Variants in RBMS3 observed in about 807,000 individuals in gnomAD.
RBMS3 encodes RNA-binding motif, single-stranded-interacting protein 3.
Under a neutral mutation model 66.8 loss-of-function variants are expected in RBMS3, and 27 were observed. The ratio of observed to expected loss-of-function variants is 0.40; its 90% CI spans 0.30 to 0.56. The LOEUF is 0.56. RBMS3 is among the 20% of genes least tolerant of loss of function. The probability of loss-of-function intolerance (pLI) is 0.40; values close to 1 mark genes in which losing one functional copy is unlikely to be tolerated. For missense variants in RBMS3, 513 were observed against 549.5 expected, an observed-to-expected ratio of 0.93 and a Z score of 0.66; for synonymous variants, 188 against 183.0, an observed-to-expected ratio of 1.03 and a Z score of -0.22.
chr3:29,472,377 G>A (rs2125800874), intron 2 of RBMS3, among the ~76,000 whole-genome samples: 1 of 152,068 alleles, frequency 6.6e-6, no homozygotes, highest in Middle Eastern at 3.4e-3. Context: ...TGTATTTTTA[G>A]TAGAGATGGC....
chr3:29,753,113 T>C (rs2055254904), intron 5 of RBMS3, among the ~76,000 whole-genome samples: 1 of 152,210 alleles, frequency 6.6e-6, no homozygotes, highest in Non-Finnish European at 1.5e-5. Flanking sequence ...AGAAAGCTGG[T>C]ATTTTCAACT....
At position 29,906,045 on chromosome 3, in the gene RBMS3, A is replaced by G. The variant is rs796298197; in HGVS notation, c.939+6290A>G. The stretch of plus-strand genomic sequence containing the variant: ...AAATTTAAGAATATGACATATTTAC[A>G]ACATTGAATTTTTCTATACAAGAAA... On this transcript the variant is annotated intron_variant, in intron 10 of 14. Transcript: ENST00000383767. Among the ~76,000 whole-genome samples, 11 of 152,274 alleles carry G rather than the reference A, an allele frequency of 7.2e-5. 1 individual carries two copies. Among genetic ancestry groups the G allele is most frequent in the African/African-American group, 2.4e-4 (10 of 41,568 alleles).
intron 4 of RBMS3, among the ~76,000 whole-genome samples, chr3:29,642,432 T>C (rs1476483747): frequency 6.6e-6 from 1 of 152,064 alleles, no homozygotes; most frequent in Non-Finnish European, 1.5e-5. Flanking sequence ...CTATTATAAA[T>C]AGAAAATCAG....
At chr3:29,824,020 G>A (rs2058139339) in intron 6 of RBMS3, among the ~76,000 whole-genome samples, 2 of 151,862 alleles carry the variant, frequency 1.3e-5, no homozygotes, top group South Asian at 4.1e-4. Context: ...AGCCATTAAT[G>A]GCTTTACTTT....
chr3:29,865,702 G>A (rs1285255486), intron 6 of RBMS3, among the ~76,000 whole-genome samples: 4 of 152,098 alleles, frequency 2.6e-5, no homozygotes, highest in Non-Finnish European at 5.9e-5. Flanking sequence ...AATCAAGTTC[G>A]ATCTCATGCC....
At chr3:29,951,536 T>C (rs1695681452) in intron 12 of RBMS3, among the ~76,000 whole-genome samples, 1 of 151,708 alleles carries the variant, frequency 6.6e-6, no homozygotes, top group East Asian at 1.9e-4. Flanking sequence ...TGAAAGGATA[T>C]GTCCAAAGTA....
intron 1 of RBMS3, among the ~76,000 whole-genome samples, chr3:29,363,869 A>T (rs77741733): frequency 0.041 from 6,193 of 151,486 alleles, 157 homozygotes; most frequent in Middle Eastern, 0.072. Flanking sequence ...ATTGATAAAA[A>T]TTTTTTTTTG....
intron 4 of RBMS3, among the ~76,000 whole-genome samples, chr3:29,733,400 T>C (rs2054221134): frequency 6.6e-6 from 1 of 151,998 alleles, no homozygotes; most frequent in Admixed American, 6.6e-5. Context: ...ATGGGATTGC[T>C]GGGTCACATG....
At chr3:29,941,731 C>A (rs953187696) in intron 11 of RBMS3, among the ~76,000 whole-genome samples, 3 of 151,610 alleles carry the variant, frequency 2.0e-5, no homozygotes, top group African/African-American at 7.3e-5. Flanking sequence ...TGCCAAAGAA[C>A]ATGAACAGAT....
chr3:29,966,307 A>G (rs1696844891), intron 12 of RBMS3, among the ~76,000 whole-genome samples: 1 of 152,126 alleles, frequency 6.6e-6, no homozygotes, highest in South Asian at 2.1e-4. Flanking sequence ...TTTTGGCAGT[A>G]TGGTCATTTT....
intron 6 of RBMS3, among the ~76,000 whole-genome samples, chr3:29,776,885 G>A (rs965084328): frequency 2.0e-5 from 3 of 151,862 alleles, no homozygotes; most frequent in African/African-American, 7.2e-5. Flanking sequence ...CATGTTAGAG[G>A]TTGACAGTTT....
intron 3 of RBMS3, among the ~76,000 whole-genome samples, chr3:29,525,561 C>G (rs2045060289): frequency 6.6e-6 from 1 of 152,242 alleles, no homozygotes; most frequent in Non-Finnish European, 1.5e-5. Context: ...GATGCCAGTT[C>G]TCTTTCCTTT....
At chr3:29,281,842 T>A in intron 1 of RBMS3, 86 bp downstream of exon 1, 1 of 1,121,326 alleles carries the variant, frequency 8.9e-7, no homozygotes, top group Non-Finnish European at 1.3e-6. Flanking sequence ...AATTATTAGT[T>A]AACCCCCACC....
At chr3:29,825,946 TA>T (rs1392581871) in intron 6 of RBMS3, among the ~76,000 whole-genome samples, 3 of 152,206 alleles carry the variant, frequency 2.0e-5, no homozygotes, top group Non-Finnish European at 4.4e-5. Context: ...CTACATGTAG[TA>T]AACATCCAGT....
chr3:29,829,951 C>T (rs1271043444), intron 6 of RBMS3, among the ~76,000 whole-genome samples: 1 of 151,796 alleles, frequency 6.6e-6, no homozygotes, highest in Admixed American at 6.6e-5. Flanking sequence ...CCCTCTATCC[C>T]TACTCACTAC....
At chr3:29,891,571 A>G (rs2060002410) in intron 8 of RBMS3, among the ~76,000 whole-genome samples, 1 of 151,554 alleles carries the variant, frequency 6.6e-6, no homozygotes, top group African/African-American at 2.4e-5. Context: ...AAAGATGAGC[A>G]GGGGAGGTGG....
chr3:29,980,136 G>A lies in RBMS3; in HGVS notation c.1099-8007G>A, dbSNP rs144953400. Reference sequence around the variant, plus strand: ...GTTAATGATCCCCAGTCTAACTGGTGTGAGATGGTATGTCACTGTGGTTTT... The same window carrying A: ...GTTAATGATCCCCAGTCTAACTGGTATGAGATGGTATGTCACTGTGGTTTT... On this transcript the variant is annotated intron_variant, in intron 12 of 14. Coordinates refer to ENST00000383767, the MANE Select transcript of RBMS3 (RefSeq NM_001003793.3). Among the ~76,000 whole-genome samples, 735 of 152,318 alleles carry A rather than the reference G, an allele frequency of 4.8e-3. 4 individuals carry two copies. The highest frequency in any genetic ancestry group is 0.017 in the African/African-American group (702 of 41,564).
chr3:29,883,433 G>A (rs758944355), intron 7 of RBMS3, among the ~76,000 whole-genome samples: 45 of 152,168 alleles, frequency 3.0e-4, no homozygotes, highest in Non-Finnish European at 5.0e-4. Context: ...GATCAAATGT[G>A]ATGATGTACA....
chr3:29,896,071 C>A (rs2060118119), intron 8 of RBMS3, among the ~76,000 whole-genome samples: 1 of 150,296 alleles, frequency 6.7e-6, no homozygotes. Flanking sequence ...TTTTTTTTTA[C>A]CCAAAAGAGT....
Sources: gnomAD v4.1 joint callset for allele counts (sites outside exome capture counted in the v4.1 genomes callset) on GRCh38, gnomAD v4.1.1 for gene constraint, MANE v1.5 for transcripts, NCBI Gene and HGNC (gene_info 2026-07-23, HGNC 2026-07-21) for gene names.